The following ALDH1A2 variants were observed in gnomAD, a reference collection of about 807,000 sequenced individuals.
The protein encoded by ALDH1A2 is aldehyde dehydrogenase 1 family member A2.
ALDH1A2 carries 27 observed loss-of-function variants against 60.3 expected under a neutral mutation model. The observed-to-expected ratio is 0.45, with a 90% CI of 0.33 to 0.62. The LOEUF (loss-of-function observed/expected upper bound fraction) is 0.62, where lower values mean the gene tolerates loss of function less well. ALDH1A2 is among the 20% of genes least tolerant of loss of function. ALDH1A2 has a pLI of 0.02. For missense variants in ALDH1A2, 581 were observed against 643.8 expected (o/e 0.90, Z 1.06); for synonymous variants, 289 against 232.4 (o/e 1.24, Z -2.21).
intron 1 of ALDH1A2, among the ~76,000 whole-genome samples, chr15:58,021,812 A>C (rs1339582977): frequency 6.6e-6 from 1 of 152,250 alleles, no homozygotes; most frequent in African/African-American, 2.4e-5. Flanking sequence ...CATGAGCTGA[A>C]GCACCCAGTG....
chr15:57,981,114 T>C (rs774335703), intron 7 of ALDH1A2, among the ~76,000 whole-genome samples: 26 of 152,196 alleles, frequency 1.7e-4, no homozygotes, highest in Non-Finnish European at 3.4e-4. Flanking sequence ...TCTTTTTCTC[T>C]TTATTAGTCT....
chr15:58,052,538 T>C (rs1896802601), intron 1 of ALDH1A2, among the ~76,000 whole-genome samples: 1 of 152,120 alleles, frequency 6.6e-6, no homozygotes. Context: ...CAATCTCGGC[T>C]CAGTGCAACC....
chr15:58,062,701 A>G (rs1897072626), intron 1 of ALDH1A2, among the ~76,000 whole-genome samples: 2 of 152,184 alleles, frequency 1.3e-5, no homozygotes, highest in Admixed American at 6.5e-5. Flanking sequence ...CTAGTTTTAA[A>G]AAGCACATTC....
intron 4 of ALDH1A2, among the ~76,000 whole-genome samples, chr15:57,998,898 A>T (rs554352619): frequency 6.6e-6 from 1 of 152,246 alleles, no homozygotes; most frequent in South Asian, 2.1e-4. Context: ...ATAAGACCAC[A>T]CATCTACAAC....
intron 1 of ALDH1A2, among the ~76,000 whole-genome samples, chr15:58,048,996 CCAAA>C (rs1258421570): frequency 2.0e-5 from 3 of 151,930 alleles, no homozygotes; most frequent in African/African-American, 7.2e-5. Context: ...CCCTCACATT[CCAAA>C]CAACCACTGA....
intron 7 of ALDH1A2, among the ~76,000 whole-genome samples, chr15:57,990,807 C>A (rs376874237): frequency 7.2e-6 from 1 of 139,596 alleles, no homozygotes; most frequent in Non-Finnish European, 1.5e-5. Flanking sequence ...ACCTGGGGGG[C>A]GGAGGTTGCT....
chr15:57,964,167 T>C lies in ALDH1A2; in HGVS notation c.902-98A>G, dbSNP rs34474303. ...CCTCTCCAAAGCCCTAGGTATAGTG[T>C]GCTCACTGCATGACATAACCATGAA... On this transcript the variant is annotated intron_variant, in intron 8 of 12. Transcript: ENST00000249750. 5.9e-4 allele frequency: 769 copies of C among 1,294,082 alleles called. 4 individuals are homozygous for C. In the African/African-American group the frequency reaches 9.5e-3, roughly 16 times the overall value. 80.2% of individuals were successfully genotyped at this position (1,294,082 alleles called of 1,614,324 possible).
chr15:57,970,235 A>ATTT (rs1362457835), intron 7 of ALDH1A2, among the ~76,000 whole-genome samples: 7 of 152,200 alleles, frequency 4.6e-5, no homozygotes, highest in African/African-American at 9.6e-5. Context: ...AGAGCTCCTT[A>ATTT]TGAAAGAGTA....
At chr15:58,057,358 A>C (rs979018103) in intron 1 of ALDH1A2, among the ~76,000 whole-genome samples, 1 of 152,122 alleles carries the variant, frequency 6.6e-6, no homozygotes, top group South Asian at 2.1e-4. Context: ...ATTTATATAA[A>C]AGATGTTACC....
Position 57,957,929 on chromosome 15 carries a change from G to A in ALDH1A2, c.1485-2660C>T, listed in dbSNP as rs1456374596. ...CAGGACTGAGAGGGTGGGTGGGAGC[G>A]GGTCACCGGAAGGCAGGTTGCTTTC... On this transcript the variant is annotated intron_variant, in intron 12 of 12. Coordinates refer to ENST00000249750, the MANE Select transcript of ALDH1A2 (RefSeq NM_003888.4). Among the ~76,000 whole-genome samples the A allele has an allele frequency of 4.6e-5, 7 of 152,174 alleles. No individual in the cohort carries two copies. In the East Asian group the frequency reaches 7.7e-4, roughly 17 times the overall value.
At chr15:58,046,778 C>T (rs1896649165) in intron 1 of ALDH1A2, among the ~76,000 whole-genome samples, 1 of 151,970 alleles carries the variant, frequency 6.6e-6, no homozygotes, top group South Asian at 2.1e-4. Flanking sequence ...ATTTGGTTTC[C>T]CCCACATCTT....
intron 1 of ALDH1A2, among the ~76,000 whole-genome samples, chr15:58,033,770 C>T (rs1896306423): frequency 1.3e-5 from 2 of 149,522 alleles, no homozygotes. Flanking sequence ...TGTGCTTTTG[C>T]TCCTTTATCA....
chr15:57,961,458 A>G (rs1242130398), intron 10 of ALDH1A2, among the ~76,000 whole-genome samples, 164 bp from the exon 11 acceptor site: 2 of 152,226 alleles, frequency 1.3e-5, no homozygotes, highest in Admixed American at 6.5e-5. Flanking sequence ...AGATTATGCA[A>G]GAAGAGTCTG....
intron 1 of ALDH1A2, among the ~76,000 whole-genome samples, chr15:58,031,513 T>C (rs1199570867): frequency 1.3e-5 from 2 of 151,976 alleles, no homozygotes; most frequent in African/African-American, 2.4e-5. Flanking sequence ...CATAGACAAA[T>C]GGGATTTAAT....
At chr15:58,052,266 A>G (rs1896794155) in intron 1 of ALDH1A2, among the ~76,000 whole-genome samples, 1 of 152,134 alleles carries the variant, frequency 6.6e-6, no homozygotes, top group South Asian at 2.1e-4. Context: ...ATATGCAAGC[A>G]GTTCAGTATT....
intron 1 of ALDH1A2, among the ~76,000 whole-genome samples, chr15:58,021,879 G>T (rs1415532992): frequency 6.6e-6 from 1 of 152,238 alleles, no homozygotes; most frequent in Non-Finnish European, 1.5e-5. Flanking sequence ...TGCTGGAATT[G>T]GTGGTGAGCT....
Position 57,963,871 on chromosome 15 carries a change from T to C in ALDH1A2, c.1086+14A>G. ...GGATTAAGTAAACAAAGGGAATGGT[T>C]ATGATTTTTCTACCTGGGGACCCTG... is the stretch of plus-strand genomic sequence containing the variant. On this transcript the variant is annotated intron_variant, in intron 9 of 12. Coordinates refer to ENST00000249750, the MANE Select transcript of ALDH1A2 (RefSeq NM_003888.4). 1.2e-6 allele frequency: 2 copies of C among 1,614,040 alleles called. No individual in the cohort carries two copies. Among genetic ancestry groups the C allele is most frequent in the Non-Finnish European group, 1.7e-6 (2 of 1,179,928 alleles).
chr15:57,960,770 A>AT lies in ALDH1A2; in HGVS notation c.1483dup (p.Met495AsnfsTer13). On this transcript the variant is annotated frameshift_variant and splice_region_variant, in exon 12 of 13. Transcript: ENST00000249750. LOFTEE classifies it high-confidence loss of function. The stretch of plus-strand genomic sequence containing the variant: ...AGGCATCAGCAACTTTAAGACTTAC[A>AT]TTTCTCTCCCATTTCCAGACATCTT... 3 of 1,613,518 alleles carry AT rather than the reference A, an allele frequency of 1.9e-6. No individual in the cohort carries two copies. The highest frequency in any genetic ancestry group is 2.5e-6 in the Non-Finnish European group (3 of 1,179,512).
At chr15:57,960,912 A>T in intron 11 of ALDH1A2, 68 bp from the exon 12 acceptor site, 2 of 1,452,916 alleles carry the variant, frequency 1.4e-6, no homozygotes, top group Non-Finnish European at 1.9e-6. Flanking sequence ...CTGGCATGGT[A>T]TTTCTTTTAG....
Sources: allele counts gnomAD v4.1 joint callset (sites outside exome capture counted in the v4.1 genomes callset), GRCh38; gene constraint gnomAD v4.1.1; transcripts MANE v1.5; gene names NCBI Gene and HGNC (gene_info 2026-07-23, HGNC 2026-07-21).